Variants in CCDC192 observed in about 807,000 individuals in gnomAD.
CCDC192 encodes the protein coiled-coil domain-containing protein 192.
At chr5:127,791,546 TG>T (rs1322488507) in intron 3 of CCDC192, among the ~76,000 whole-genome samples, 1 of 152,152 alleles carries the variant, frequency 6.6e-6, no homozygotes, top group Non-Finnish European at 1.5e-5. Flanking sequence ...TCCAGAGAAA[TG>T]CTTGATGAGG....
rs148539737 is a variant in CCDC192 at position 127,743,919 on chromosome 5, G to A, written c.115-10349G>A. ...TCCTGGCTTAACACGGTGAAACCCCGTCTCTGCTAAAAAAATACAAAAAAA... is the reference window on the plus strand; with the variant it reads ...TCCTGGCTTAACACGGTGAAACCCCATCTCTGCTAAAAAAATACAAAAAAA... On this transcript the variant is annotated intron_variant, in intron 2 of 6. Transcript: ENST00000514853. Among the ~76,000 whole-genome samples, 62 of 151,740 alleles carry A rather than the reference G, an allele frequency of 4.1e-4. No homozygotes were observed. In the East Asian group the frequency reaches 0.011, roughly 27 times the overall value.
chr5:127,716,225 C>A (rs1751615860), intron 2 of CCDC192, among the ~76,000 whole-genome samples: 1 of 152,024 alleles, frequency 6.6e-6, no homozygotes, highest in Admixed American at 6.6e-5. Flanking sequence ...CTCCTTGTAT[C>A]CCTGGTATGA....
At chr5:127,844,260 T>G (rs1291943897) in intron 5 of CCDC192, among the ~76,000 whole-genome samples, 4 of 152,258 alleles carry the variant, frequency 2.6e-5, no homozygotes, top group Non-Finnish European at 5.9e-5. Context: ...AATTTATACC[T>G]GAAGCTGTGC....
chr5:127,775,687 C>G (rs1424435682), intron 3 of CCDC192, among the ~76,000 whole-genome samples: 2 of 152,254 alleles, frequency 1.3e-5, no homozygotes, highest in Non-Finnish European at 2.9e-5. Flanking sequence ...TGTGTCCCCA[C>G]CCAAATCTCA....
chr5:127,852,668 A>C (rs1750853515), intron 5 of CCDC192, among the ~76,000 whole-genome samples: 1 of 152,120 alleles, frequency 6.6e-6, no homozygotes. Context: ...AACAGGAGGG[A>C]GAGACACTTT....
intron 5 of CCDC192, among the ~76,000 whole-genome samples, chr5:127,846,760 G>C (rs540482360): frequency 2.9e-5 from 4 of 139,066 alleles, no homozygotes; most frequent in African/African-American, 5.5e-5. Flanking sequence ...GTGAGCCACC[G>C]CGCTTGGCCA....
At chr5:127,939,676 GTTATTT>G (rs2126341537) in intron 6 of CCDC192, among the ~76,000 whole-genome samples, 1 of 127,664 alleles carries the variant, frequency 7.8e-6, no homozygotes, top group South Asian at 2.8e-4. Context: ...TGAGAAACGG[GTTATTT>G]TTATGTTTTT....
Position 127,765,541 on chromosome 5 carries a change from T to A in CCDC192, c.222+11166T>A, listed in dbSNP as rs1755174117. Among the ~76,000 whole-genome samples, 3 of 152,202 alleles carry A rather than the reference T, an allele frequency of 2.0e-5. No individual in the cohort carries two copies. In the South Asian group the frequency reaches 6.2e-4, roughly 31 times the overall value. On this transcript the variant is annotated intron_variant, in intron 3 of 6. Transcript: ENST00000514853. The stretch of plus-strand genomic sequence containing the variant: ...ACTTTTTAAAGTCCCCAGTAATTTT[T>A]AGAGGTGTAAAAACGTCCTGAGCAT...
intron 2 of CCDC192, among the ~76,000 whole-genome samples, chr5:127,724,847 CAAAAA>C (rs71223028): frequency 8.3e-6 from 1 of 120,940 alleles, no homozygotes. Context: ...GACTCCGTCT[CAAAAA>C]AAAAAAAAAA....
At chr5:127,902,518 A>G (rs1294747544) in intron 6 of CCDC192, among the ~76,000 whole-genome samples, 1 of 152,180 alleles carries the variant, frequency 6.6e-6, no homozygotes, top group East Asian at 1.9e-4. Context: ...TTACTTGATC[A>G]TCACCCCCGG....
In CCDC192 at chr5:127,941,296, T is replaced by A. The variant is rs554099846; in HGVS notation, c.650T>A (p.Ile217Asn). Residue 217 changes from isoleucine (I) to asparagine (N), a missense_variant, in exon 7 of 7, where the codon ATT becomes AAT. Coordinates refer to ENST00000514853, the MANE Select transcript of CCDC192 (RefSeq NM_001317938.2). ...STQVSLQTER[I>N]TQLKEVLEEK... ...CAGGTTTCCCTTCAGACTGAGAGAA[T>A]TACTCAGCTGAAAGAAGTTTTGGAG... The A allele has an allele frequency of 5.0e-6, 2 of 398,936 alleles. No homozygotes were observed. Among genetic ancestry groups the A allele is most frequent in the Non-Finnish European group, 4.4e-6 (1 of 226,080 alleles). The allele number at this position is 398,936 out of a possible 1,614,324, so 24.7% of individuals were successfully genotyped here.
At chr5:127,823,743 G>A (rs911016159) in intron 5 of CCDC192, among the ~76,000 whole-genome samples, 2 of 152,158 alleles carry the variant, frequency 1.3e-5, no homozygotes, top group African/African-American at 4.8e-5. Context: ...AGTCCTTCTT[G>A]TAGGCCTCAA....
chr5:127,764,737 TA>T (rs879701498), intron 3 of CCDC192, among the ~76,000 whole-genome samples: 255 of 145,958 alleles, frequency 1.7e-3, no homozygotes, highest in East Asian at 4.2e-3. Context: ...GCTGATGAGC[TA>T]AAAAAAAAAA....
chr5:127,725,817 A>G (rs552737068), intron 2 of CCDC192, among the ~76,000 whole-genome samples: 12 of 152,350 alleles, frequency 7.9e-5, no homozygotes, highest in South Asian at 2.1e-4. Context: ...ACTGTGTTCA[A>G]TGAAGCTAAA....
intron 5 of CCDC192, among the ~76,000 whole-genome samples, chr5:127,866,803 G>A (rs1266758372): frequency 6.6e-6 from 1 of 152,014 alleles, no homozygotes; most frequent in African/African-American, 2.4e-5. Context: ...AATTAACTCT[G>A]CCACAAGAAA....
chr5:127,728,997 T>G (rs1328283163), intron 2 of CCDC192, among the ~76,000 whole-genome samples: 1 of 152,070 alleles, frequency 6.6e-6, no homozygotes, highest in East Asian at 1.9e-4. Context: ...GTCTCTGCCT[T>G]CTGAGTTCAA....
chr5:127,751,957 C>T (rs950549870), intron 2 of CCDC192, among the ~76,000 whole-genome samples: 7 of 152,022 alleles, frequency 4.6e-5, no homozygotes, highest in Admixed American at 3.3e-4. Flanking sequence ...CCTTGGTTTT[C>T]AGCTCCATCA....
upstream of CCDC192, among the ~76,000 whole-genome samples, chr5:127,702,326 G>A (rs1422067142): frequency 6.6e-6 from 1 of 151,172 alleles, no homozygotes. Flanking sequence ...ATCCCCAACA[G>A]GCTGCTAACT....
At chr5:127,915,267 A>G (rs1753486626) in intron 6 of CCDC192, among the ~76,000 whole-genome samples, 1 of 152,220 alleles carries the variant, frequency 6.6e-6, no homozygotes, top group African/African-American at 2.4e-5. Flanking sequence ...AAAAGTGCTA[A>G]CAATCATCTG....
Sources: gnomAD v4.1 joint callset for allele counts (sites outside exome capture counted in the v4.1 genomes callset) on GRCh38, gnomAD v4.1.1 for gene constraint, MANE v1.5 for transcripts, NCBI Gene and HGNC (gene_info 2026-07-23, HGNC 2026-07-21) for gene names.